Variants in CTNNA3 observed in about 807,000 individuals in gnomAD.
CTNNA3 encodes the protein catenin alpha 3.
CTNNA3 carries 76 observed loss-of-function variants against 95.7 expected under a neutral mutation model. The observed-to-expected ratio is 0.79, with a 90% CI of 0.66 to 0.96. CTNNA3 has a LOEUF of 0.96. Ranked by LOEUF, CTNNA3 falls within the 40% of genes least tolerant of loss-of-function variation. CTNNA3 has a pLI of 0.00. For synonymous variants in CTNNA3, 431 were observed against 374.4 expected, an observed-to-expected ratio of 1.15 and a Z score of -1.74; for missense variants, 1,191 against 1,089.8, an observed-to-expected ratio of 1.09 and a Z score of -1.31.
intron 7 of CTNNA3, among the ~76,000 whole-genome samples, chr10:67,127,991 A>C (rs1218858738): frequency 6.6e-6 from 1 of 152,038 alleles, no homozygotes; most frequent in African/African-American, 2.4e-5. Flanking sequence ...GTTTTTCCTC[A>C]CATGTCCTCA....
At chr10:66,900,094 T>C (rs1845674040) in intron 7 of CTNNA3, among the ~76,000 whole-genome samples, 1 of 152,018 alleles carries the variant, frequency 6.6e-6, no homozygotes, top group Non-Finnish European at 1.5e-5. Flanking sequence ...CACCTCCCAG[T>C]AGGGGCCGAC....
chr10:65,985,740 A>G (rs2078414414), intron 16 of CTNNA3, among the ~76,000 whole-genome samples: 1 of 151,564 alleles, frequency 6.6e-6, no homozygotes, highest in Non-Finnish European at 1.5e-5. Context: ...TACTGTCACC[A>G]TTTTTATTCA....
At position 66,514,367 on chromosome 10, in the gene CTNNA3, CA is replaced by C. The variant is rs147042156; in HGVS notation, c.1531+6249del. Among the ~76,000 whole-genome samples, 368 of 152,086 alleles carry C rather than the reference CA, an allele frequency of 2.4e-3. 2 individuals are homozygous for C. Among genetic ancestry groups the C allele is most frequent in the African/African-American group, 8.5e-3 (353 of 41,474 alleles). ...AAAGTTACTTGAACTGGCGTAGTAG[CA>C]GTGAATATGGGGGAAAAGTGAACAT... On this transcript the variant is annotated intron_variant, in intron 11 of 17. Transcript: ENST00000433211.
intron 7 of CTNNA3, among the ~76,000 whole-genome samples, chr10:66,889,336 T>C (rs915777519): frequency 1.3e-5 from 2 of 152,022 alleles, no homozygotes; most frequent in East Asian, 3.9e-4. Flanking sequence ...ACCCACAGAG[T>C]GTACAACACC....
chr10:66,983,996 C>A (rs951240950), intron 7 of CTNNA3, among the ~76,000 whole-genome samples: 1 of 152,022 alleles, frequency 6.6e-6, no homozygotes, highest in Non-Finnish European at 1.5e-5. Context: ...TGATGATAAT[C>A]GAGGCTTAGG....
chr10:66,753,578 C>T (rs1404128734), intron 9 of CTNNA3, among the ~76,000 whole-genome samples: 6 of 151,748 alleles, frequency 4.0e-5, no homozygotes, highest in Admixed American at 2.6e-4. Flanking sequence ...AGGAGAATCG[C>T]TTGAACCTGG....
intron 11 of CTNNA3, among the ~76,000 whole-genome samples, chr10:66,425,660 CA>C (rs1305636668): frequency 1.3e-5 from 2 of 150,702 alleles, no homozygotes; most frequent in African/African-American, 4.9e-5. Context: ...TAATGTGCTA[CA>C]TTCTTCATAT....
chr10:67,238,965 C>T (rs1865611231), intron 5 of CTNNA3, among the ~76,000 whole-genome samples: 1 of 151,854 alleles, frequency 6.6e-6, no homozygotes, highest in Non-Finnish European at 1.5e-5. Context: ...AGTCAATATG[C>T]TCAAAAGGAG....
chr10:66,421,278 G>C (rs2093190929), intron 11 of CTNNA3, among the ~76,000 whole-genome samples: 1 of 152,126 alleles, frequency 6.6e-6, no homozygotes, highest in African/African-American at 2.4e-5. Context: ...GTAGCGGAGG[G>C]TGAAGAGAGG....
intron 7 of CTNNA3, among the ~76,000 whole-genome samples, chr10:66,797,513 C>T (rs1171782376): frequency 6.6e-6 from 1 of 151,874 alleles, no homozygotes; most frequent in Non-Finnish European, 1.5e-5. Context: ...AAGAACCATT[C>T]AATGTCCCTT....
chr10:67,407,844 G>A (rs543304922), intron 5 of CTNNA3, among the ~76,000 whole-genome samples: 3 of 152,224 alleles, frequency 2.0e-5, no homozygotes, highest in Admixed American at 2.0e-4. Context: ...AAAGTACCTA[G>A]GAATACAGCT....
At chr10:66,920,112 A>G (rs1269214009) in intron 7 of CTNNA3, among the ~76,000 whole-genome samples, 1 of 152,196 alleles carries the variant, frequency 6.6e-6, no homozygotes, top group Non-Finnish European at 1.5e-5. Flanking sequence ...AACCCTTAAT[A>G]TATGCTCATG....
chr10:65,965,661 C>T (rs1289912075), intron 17 of CTNNA3, among the ~76,000 whole-genome samples: 1 of 151,910 alleles, frequency 6.6e-6, no homozygotes, highest in African/African-American at 2.4e-5. Context: ...CACCAAAGCG[C>T]TGGGATTATA....
At chr10:67,384,072 T>G (rs1023578671) in intron 5 of CTNNA3, among the ~76,000 whole-genome samples, 1 of 152,210 alleles carries the variant, frequency 6.6e-6, no homozygotes, top group Non-Finnish European at 1.5e-5. Context: ...ATTACTGTTT[T>G]GCTCCTTATC....
intron 9 of CTNNA3, among the ~76,000 whole-genome samples, chr10:66,668,468 C>T (rs1846539732): frequency 6.9e-6 from 1 of 145,262 alleles, no homozygotes; most frequent in Admixed American, 6.8e-5. Context: ...GATACACATC[C>T]ACATATATAC....
intron 10 of CTNNA3, among the ~76,000 whole-genome samples, chr10:66,554,553 T>C (rs753942081): frequency 2.0e-5 from 3 of 152,206 alleles, no homozygotes; most frequent in Non-Finnish European, 4.4e-5. Context: ...CTTTGTATCT[T>C]TGCATTTTTT....
At chr10:67,633,387 A>G (rs1221594386) in intron 2 of CTNNA3, among the ~76,000 whole-genome samples, 2 of 152,208 alleles carry the variant, frequency 1.3e-5, no homozygotes, top group Admixed American at 6.5e-5. Context: ...CTGCTCCACC[A>G]GAAAGCATCC....
chr10:66,715,320 C>T (rs10997348), intron 9 of CTNNA3, among the ~76,000 whole-genome samples: 4 of 152,034 alleles, frequency 2.6e-5, no homozygotes, highest in Non-Finnish European at 5.9e-5. Context: ...CCTCCCACCC[C>T]TAGTTCACAA....
At chr10:66,904,896 A>C (rs538414210) in intron 7 of CTNNA3, among the ~76,000 whole-genome samples, 23 of 152,322 alleles carry the variant, frequency 1.5e-4, no homozygotes, top group African/African-American at 5.5e-4. Context: ...GATGTGGAGA[A>C]ATAGGAACGC....
Sources: allele counts gnomAD v4.1 joint callset (sites outside exome capture counted in the v4.1 genomes callset), GRCh38; gene constraint gnomAD v4.1.1; transcripts MANE v1.5; gene names NCBI Gene and HGNC (gene_info 2026-07-23, HGNC 2026-07-21).